The following NUSAP1 variants were observed in gnomAD, a reference collection of about 807,000 sequenced individuals.
NUSAP1 encodes the protein nucleolar and spindle-associated protein 1.
NUSAP1 carries 32 observed loss-of-function variants against 52.8 expected under a neutral mutation model. The observed-to-expected ratio is 0.61, with a 90% confidence interval of 0.46 to 0.81. The LOEUF is 0.81. Ranked by LOEUF, NUSAP1 falls within the 40% of genes least tolerant of loss-of-function variation. NUSAP1 has a pLI of 0.00. For synonymous variants in NUSAP1, 195 were observed against 183.1 expected, an observed-to-expected ratio of 1.06 and a Z score of -0.52; for missense variants, 499 against 522.3, an observed-to-expected ratio of 0.96 and a Z score of 0.43.
chr15:41,378,953 T>TTTTTTTTTTTTG, intron 10 of NUSAP1, among the ~76,000 whole-genome samples: 1 of 106,400 alleles, frequency 9.4e-6, no homozygotes. Context: ...GGTTTTTTTT[T>TTTTTTTTTTTTG]TTTTTTTTTT....
chr15:41,335,875 A>G (rs543108132), intron 1 of NUSAP1, among the ~76,000 whole-genome samples: 1 of 149,258 alleles, frequency 6.7e-6, no homozygotes, highest in Admixed American at 6.7e-5. Context: ...ATTTTTATGT[A>G]TACTAGTATA....
rs576110128 is a variant in NUSAP1, at chr15:41,369,344, GATTTC to G, written c.849-2178_849-2174del. 1.5e-3 allele frequency among the ~76,000 whole-genome samples: 235 copies of G among 152,112 alleles called. 1 individual carries two copies. The highest frequency in any genetic ancestry group is 5.6e-3 in the African/African-American group (232 of 41,498). Reference sequence around the variant, plus strand: ...TGAAGTACCTGTAATTGGTGGTTCTGATTTCATTTAAGAACACCATGGTCCAGGTG... The same window carrying G: ...TGAAGTACCTGTAATTGGTGGTTCTGATTTAAGAACACCATGGTCCAGGTG... On this transcript the variant is annotated intron_variant, in intron 7 of 10. Coordinates refer to ENST00000559596, the MANE Select transcript of NUSAP1 (RefSeq NM_016359.5).
intron 3 of NUSAP1, among the ~76,000 whole-genome samples, chr15:41,350,018 C>T (rs890483035): frequency 6.6e-6 from 1 of 152,064 alleles, no homozygotes; most frequent in Admixed American, 6.6e-5. Flanking sequence ...CTACCCACCT[C>T]GGCCTCCCAA....
intron 7 of NUSAP1, among the ~76,000 whole-genome samples, chr15:41,370,718 C>G (rs896938510): frequency 2.7e-5 from 4 of 148,012 alleles, no homozygotes; most frequent in Non-Finnish European, 4.5e-5. Context: ...CCATTGCACT[C>G]CAGCCTGGGC....
intron 1 of NUSAP1, among the ~76,000 whole-genome samples, chr15:41,334,935 A>G (rs767898585): frequency 5.3e-5 from 8 of 152,060 alleles, no homozygotes; most frequent in Non-Finnish European, 1.0e-4. Context: ...TCAAGGAAAA[A>G]GAGAGGGAAA....
chr15:41,380,056 C>G, intron 10 of NUSAP1, 37 bp from the exon 11 acceptor site: 1 of 1,459,686 alleles, frequency 6.9e-7, no homozygotes, highest in Non-Finnish European at 9.3e-7. Flanking sequence ...TGTTTTGGAG[C>G]CTCCCTAGAG....
chr15:41,333,032 T>C lies in NUSAP1; in HGVS notation c.75T>C (p.Gly25=). The change falls in exon 1 of 11, where the codon GGT becomes GGC. Residue 25 remains glycine (G), a synonymous_variant. Transcript: ENST00000559596. ...SDLQNLAKSL[G]LRANLRATKL... is the part of the protein sequence containing the mutation. ...TGCAGAACTTAGCCAAGAGTCTGGG[T>C]CTCCGGGCCAACCTGAGGGTACGGC... The C allele has an allele frequency of 6.2e-7, 1 of 1,610,612 alleles. No individual in the cohort carries two copies. The highest frequency in any genetic ancestry group is 8.5e-7 in the Non-Finnish European group (1 of 1,178,440).
chr15:41,335,604 C>T (rs1401089210), intron 1 of NUSAP1, among the ~76,000 whole-genome samples: 4 of 136,834 alleles, frequency 2.9e-5, no homozygotes, highest in Non-Finnish European at 6.1e-5. Flanking sequence ...AATATAAATA[C>T]TATACTTAAT....
chr15:41,344,877 G>A (rs959694089), intron 2 of NUSAP1, among the ~76,000 whole-genome samples: 2 of 152,002 alleles, frequency 1.3e-5, no homozygotes, highest in African/African-American at 4.8e-5. Flanking sequence ...GGATTCAGAT[G>A]TCGCAGTGAG....
intron 4 of NUSAP1, among the ~76,000 whole-genome samples, chr15:41,354,670 GATATATAT>G (rs10541882): frequency 6.8e-6 from 1 of 146,036 alleles, no homozygotes; most frequent in African/African-American, 2.5e-5. Context: ...TGTTTTAACC[GATATATAT>G]ATATATATAT....
chr15:41,376,776 T>C (rs1349995678), intron 9 of NUSAP1, among the ~76,000 whole-genome samples: 1 of 150,576 alleles, frequency 6.6e-6, no homozygotes, highest in East Asian at 2.0e-4. Context: ...CCAGTTCTTT[T>C]TGTAAAATTG....
At chr15:41,366,291 C>CTT (rs1200034822) in intron 7 of NUSAP1, among the ~76,000 whole-genome samples, 24 of 139,782 alleles carry the variant, frequency 1.7e-4, no homozygotes, top group African/African-American at 3.7e-4. Context: ...TTTCTTTTTT[C>CTT]TTTTTTTTTT....
At chr15:41,366,465 A>G (rs2140783507) in intron 7 of NUSAP1, among the ~76,000 whole-genome samples, 1 of 151,860 alleles carries the variant, frequency 6.6e-6, no homozygotes, top group African/African-American at 2.4e-5. Flanking sequence ...TTATTTTAGT[A>G]GAGACGGGGT....
At chr15:41,350,594 T>G (rs1470689921) in intron 3 of NUSAP1, among the ~76,000 whole-genome samples, 3 of 152,142 alleles carry the variant, frequency 2.0e-5, no homozygotes, top group African/African-American at 7.2e-5. Context: ...AGAGGAAAAC[T>G]TGTTCTTTTC....
chr15:41,377,811 CTAACGCATTGA>C (rs1007575152), intron 10 of NUSAP1, among the ~76,000 whole-genome samples: 8 of 150,696 alleles, frequency 5.3e-5, no homozygotes, highest in African/African-American at 1.7e-4. Flanking sequence ...ACCATCCTGG[CTAACGCATTGA>C]AACCCCATCT....
Position 41,380,101 on chromosome 15 carries a change from A to C in NUSAP1, c.1241A>C (p.Gln414Pro), listed in dbSNP as rs1214115993. 19 of 1,579,702 alleles carry C rather than the reference A, an allele frequency of 1.2e-5. No homozygotes were observed. Among genetic ancestry groups the C allele is most frequent in the Non-Finnish European group, 1.5e-5 (18 of 1,162,768 alleles). ...TGACCTATCCCTCTCAGGGAAGAGC[A>C]ACGGAAGAAACGCGAGCAAGAACGA... ...KQPHLQTKEE[Q>P]RKKREQERKE... The change falls in exon 11 of 11, where the codon CAA (glutamine) becomes CCA (proline). Residue 414 changes from glutamine to proline, a missense_variant. By Grantham distance (76) the Gln-to-Pro change is moderately conservative (BLOSUM62 -1). Coordinates refer to ENST00000559596, the MANE Select transcript of NUSAP1 (RefSeq NM_016359.5).
At chr15:41,371,434 TG>T in intron 7 of NUSAP1, 92 bp from the exon 8 acceptor site, 1 of 1,081,292 alleles carries the variant, frequency 9.2e-7, no homozygotes, top group Non-Finnish European at 1.3e-6. Context: ...CCCTTTTCAC[TG>T]CTTGCTAATA....
At chr15:41,351,227 A>AC in intron 4 of NUSAP1, 98 bp downstream of exon 4, 2 of 1,244,058 alleles carry the variant, frequency 1.6e-6, no homozygotes, top group Non-Finnish European at 2.2e-6. Flanking sequence ...GTGACAAAGC[A>AC]CCACAACTGG....
At position 41,332,977 on chromosome 15, in the gene NUSAP1, A is replaced by T; in HGVS notation, c.20A>T (p.Glu7Val). MIIPSL[E>V]ELDSLKYSDL... ...ATCGCGATGATCATCCCCTCTCTAG[A>T]GGAGCTGGACTCCCTCAAGTACAGT... The change falls in exon 1 of 11, where the codon GAG becomes GTG. Residue 7 changes from glutamate to valine, a missense_variant. Transcript: ENST00000559596. 1 of 1,611,234 alleles carries T rather than the reference A, an allele frequency of 6.2e-7. No individual in the cohort carries two copies. Among genetic ancestry groups the T allele is most frequent in the Non-Finnish European group, 8.5e-7 (1 of 1,178,630 alleles).
Sources: allele counts gnomAD v4.1 joint callset (sites outside exome capture counted in the v4.1 genomes callset), GRCh38; gene constraint gnomAD v4.1.1; transcripts MANE v1.5; gene names NCBI Gene and HGNC (gene_info 2026-07-23, HGNC 2026-07-21).